The following NXPE4 variants were observed in gnomAD, a reference collection of about 807,000 sequenced individuals.
NXPE4 encodes neurexophilin and PC-esterase domain family member 4, also known as NXPE family member 4.
Under a neutral mutation model 33.3 loss-of-function variants are expected in NXPE4, and 42 were observed. The observed-to-expected ratio is 1.26, with a 90% CI of 0.98 to 1.63. The LOEUF is 1.63. Among genes scored for constraint, NXPE4 ranks in the 40% most tolerant of loss-of-function variants. The probability of loss-of-function intolerance (pLI) is 0.00; values close to 1 mark genes in which losing one functional copy is unlikely to be tolerated. For synonymous variants in NXPE4, 253 were observed against 234.9 expected (o/e 1.08, Z -0.71); for missense variants, 709 against 647.6 (o/e 1.09, Z -1.03).
chr11:114,628,473 G>C, the NXPE4 span, among the ~76,000 whole-genome samples: 1 of 152,020 alleles, frequency 6.6e-6, no homozygotes, highest in Non-Finnish European at 1.5e-5. Context: ...TGAAACCAAT[G>C]AGAACAAAGA....
chr11:114,616,416 C>T, the NXPE4 span, among the ~76,000 whole-genome samples: 1 of 151,562 alleles, frequency 6.6e-6, no homozygotes, highest in Non-Finnish European at 1.5e-5. Context: ...CCGGTGTTAC[C>T]TGGTGAATAA....
At chr11:114,626,498 C>T in the NXPE4 span, among the ~76,000 whole-genome samples, 2 of 152,148 alleles carry the variant, frequency 1.3e-5, no homozygotes, top group South Asian at 2.1e-4. Context: ...ACAGAAAGGA[C>T]ATCCACACCA....
the NXPE4 span, among the ~76,000 whole-genome samples, chr11:114,662,192 T>C: frequency 6.6e-6 from 1 of 151,940 alleles, no homozygotes; most frequent in Non-Finnish European, 1.5e-5. Context: ...ACCCCCAGCA[T>C]TGGTGACATA....
intron 2 of NXPE4, among the ~76,000 whole-genome samples, chr11:114,585,742 A>G (rs750104306): frequency 2.6e-5 from 4 of 152,144 alleles, no homozygotes; most frequent in Admixed American, 6.5e-5. Flanking sequence ...CTTTTTAACA[A>G]AAAGGAGCCC....
At chr11:114,602,461 T>A in the NXPE4 span, among the ~76,000 whole-genome samples, 2 of 134,954 alleles carry the variant, frequency 1.5e-5, no homozygotes, top group African/African-American at 5.3e-5. Flanking sequence ...TTATAAATAA[T>A]ATATAAATTA....
the NXPE4 span, among the ~76,000 whole-genome samples, chr11:114,617,811 TAA>T: frequency 5.0e-4 from 76 of 152,238 alleles, no homozygotes; most frequent in Admixed American, 1.4e-3. Flanking sequence ...CGATGGATAA[TAA>T]GTGTTGCCTC....
At chr11:114,619,267 T>C in the NXPE4 span, among the ~76,000 whole-genome samples, 1 of 152,108 alleles carries the variant, frequency 6.6e-6, no homozygotes, top group Non-Finnish European at 1.5e-5. Context: ...TAATCAATGG[T>C]ACCTGGTGGA....
the NXPE4 span, among the ~76,000 whole-genome samples, chr11:114,672,031 C>A: frequency 6.6e-6 from 1 of 151,962 alleles, no homozygotes; most frequent in African/African-American, 2.4e-5. Context: ...GCAAGCACAT[C>A]TTCACATGGC....
chr11:114,633,359 A>G, the NXPE4 span, among the ~76,000 whole-genome samples: 2 of 141,764 alleles, frequency 1.4e-5, no homozygotes, highest in African/African-American at 5.1e-5. Flanking sequence ...TATATTATAT[A>G]TACTATATAA....
upstream of NXPE4, among the ~76,000 whole-genome samples, chr11:114,600,534 GA>G (rs1234983674): frequency 1.3e-5 from 2 of 151,906 alleles, no homozygotes; most frequent in African/African-American, 2.4e-5. Flanking sequence ...ATTTTGCATA[GA>G]AAAAAATTGA....
chr11:114,600,201 A>G (rs1949621214), upstream of NXPE4, among the ~76,000 whole-genome samples: 1 of 152,216 alleles, frequency 6.6e-6, no homozygotes, highest in African/African-American at 2.4e-5. Context: ...ATTAGAGTGC[A>G]GAAAATCAAT....
At chr11:114,672,978 G>T in the NXPE4 span, among the ~76,000 whole-genome samples, 1 of 150,780 alleles carries the variant, frequency 6.6e-6, no homozygotes, top group Admixed American at 6.6e-5. Context: ...AGAACATTCT[G>T]CCCAACAACA....
At chr11:114,624,556 T>A in the NXPE4 span, among the ~76,000 whole-genome samples, 1 of 151,616 alleles carries the variant, frequency 6.6e-6, no homozygotes, top group Non-Finnish European at 1.5e-5. Context: ...TAGTGGATAA[T>A]AAGTATTGCC....
chr11:114,577,109 A>T (rs1303867488), intron 5 of NXPE4, among the ~76,000 whole-genome samples: 2 of 142,696 alleles, frequency 1.4e-5, no homozygotes, highest in Non-Finnish European at 3.0e-5. Context: ...AGTTATATAT[A>T]TACACATATA....
At chr11:114,631,013 G>C in the NXPE4 span, among the ~76,000 whole-genome samples, 2 of 151,228 alleles carry the variant, frequency 1.3e-5, no homozygotes, top group African/African-American at 4.9e-5. Flanking sequence ...TCATTAAAAA[G>C]TCAGGAAACA....
intron 2 of NXPE4, among the ~76,000 whole-genome samples, chr11:114,590,263 G>C (rs1243332941): frequency 6.6e-6 from 1 of 152,200 alleles, no homozygotes; most frequent in Non-Finnish European, 1.5e-5. Flanking sequence ...TTAGCTGACA[G>C]AGCATATAAG....
At chr11:114,628,815 C>T in the NXPE4 span, among the ~76,000 whole-genome samples, 58 of 151,524 alleles carry the variant, frequency 3.8e-4, no homozygotes, top group South Asian at 4.2e-4. Flanking sequence ...ATCAAATAGA[C>T]GCAATAAAAA....
chr11:114,602,556 TTA>T, the NXPE4 span, among the ~76,000 whole-genome samples: 1 of 139,286 alleles, frequency 7.2e-6, no homozygotes, highest in African/African-American at 2.6e-5. Flanking sequence ...AAATTATAGA[TTA>T]TATCATTTAT....
chr11:114,612,662 T>G, the NXPE4 span, among the ~76,000 whole-genome samples: 1 of 151,610 alleles, frequency 6.6e-6, no homozygotes, highest in African/African-American at 2.4e-5. Flanking sequence ...GGTTACCCAG[T>G]GGATAATACG....
Sources: allele counts gnomAD v4.1 joint callset (sites outside exome capture counted in the v4.1 genomes callset), GRCh38; gene constraint gnomAD v4.1.1; transcripts MANE v1.5; gene names NCBI Gene and HGNC (gene_info 2026-07-23, HGNC 2026-07-21).